Variants in CDH13 observed in about 807,000 individuals in gnomAD.
CDH13 encodes cadherin 13, also known as cadherin-13.
CDH13 carries 24 observed loss-of-function variants against 63.8 expected under a neutral mutation model. That is an observed-to-expected ratio of 0.38 (90% CI 0.27 to 0.53). CDH13 has a LOEUF of 0.53. CDH13 is among the 20% of genes least tolerant of loss of function. CDH13 has a pLI of 0.85. For synonymous variants in CDH13, 503 were observed against 355.3 expected, an observed-to-expected ratio of 1.42 and a Z score of -4.67; for missense variants, 1,049 against 903.1, an observed-to-expected ratio of 1.16 and a Z score of -2.07.
intron 1 of CDH13, chr16:82,639,430 C>T: frequency 6.5e-7 from 1 of 1,535,482 alleles, no homozygotes; most frequent in Non-Finnish European, 8.7e-7. Flanking sequence ...CCCACAGATG[C>T]CTGGGCGTGA....
chr16:83,359,239 A>G (rs920561161), intron 6 of CDH13, among the ~76,000 whole-genome samples: 4 of 152,166 alleles, frequency 2.6e-5, no homozygotes, highest in Non-Finnish European at 4.4e-5. Flanking sequence ...TTCCACTGTG[A>G]TTATGAGACC....
chr16:83,073,321 C>CTGTGTGTG (rs567463667), intron 3 of CDH13, among the ~76,000 whole-genome samples: 29 of 139,802 alleles, frequency 2.1e-4, no homozygotes, highest in Admixed American at 5.0e-4. Context: ...GGGTGTGTGT[C>CTGTGTGTG]TGTGTGTGTG....
intron 2 of CDH13, among the ~76,000 whole-genome samples, chr16:83,025,857 T>A (rs1915754365): frequency 6.6e-6 from 1 of 152,200 alleles, no homozygotes; most frequent in Admixed American, 6.5e-5. Context: ...TTCCTGGCTC[T>A]GTCTGCATTA....
chr16:83,370,244 C>T (rs989124975), intron 6 of CDH13, among the ~76,000 whole-genome samples: 1 of 151,830 alleles, frequency 6.6e-6, no homozygotes, highest in African/African-American at 2.4e-5. Flanking sequence ...AAAAATTAGC[C>T]GGGTGCGGTG....
At chr16:83,118,870 T>G (rs1426395078) in intron 3 of CDH13, among the ~76,000 whole-genome samples, 1 of 152,206 alleles carries the variant, frequency 6.6e-6, no homozygotes, top group African/African-American at 2.4e-5. Context: ...CTCTGCTCTC[T>G]TGCATCTTCA....
At chr16:83,678,917 C>G (rs953538491) in intron 10 of CDH13, among the ~76,000 whole-genome samples, 3 of 152,134 alleles carry the variant, frequency 2.0e-5, no homozygotes, top group African/African-American at 7.2e-5. Context: ...TCAAGCAGCC[C>G]AGCTTGGTGG....
At chr16:83,471,825 C>G (rs1034659310) in intron 6 of CDH13, among the ~76,000 whole-genome samples, 15 of 152,184 alleles carry the variant, frequency 9.9e-5, no homozygotes, top group Admixed American at 5.9e-4. Context: ...TTAATTACCT[C>G]TTGAGTCTCA....
At chr16:83,389,343 A>G (rs1304603291) in intron 6 of CDH13, among the ~76,000 whole-genome samples, 2 of 152,214 alleles carry the variant, frequency 1.3e-5, no homozygotes, top group African/African-American at 4.8e-5. Flanking sequence ...TACCAAAATG[A>G]GATCGTACCA....
chr16:83,023,568 C>G (rs1045441251), intron 2 of CDH13, among the ~76,000 whole-genome samples: 1 of 152,138 alleles, frequency 6.6e-6, no homozygotes, highest in African/African-American at 2.4e-5. Context: ...TTCAGTTATC[C>G]ACATGGTGTC....
intron 4 of CDH13, among the ~76,000 whole-genome samples, chr16:83,150,023 C>G (rs2036908444): frequency 6.6e-6 from 1 of 152,140 alleles, no homozygotes; most frequent in African/African-American, 2.4e-5. Flanking sequence ...TTCCCTTTCC[C>G]AAACCTCTTC....
intron 9 of CDH13, among the ~76,000 whole-genome samples, chr16:83,675,335 G>A (rs1567506878): frequency 6.6e-6 from 1 of 152,160 alleles, no homozygotes; most frequent in Admixed American, 6.5e-5. Flanking sequence ...TAGGCAAATG[G>A]AAATAAACAT....
chr16:83,052,801 A>AAAAAAAAAAAAAAAAAAAAG (rs1555571697), intron 3 of CDH13, among the ~76,000 whole-genome samples: 1 of 122,658 alleles, frequency 8.2e-6, no homozygotes, highest in African/African-American at 3.3e-5. Flanking sequence ...AAAAAAAAAA[A>AAAAAAAAAAAAAAAAAAAAG]AAAGAAAGAA....
rs146870496 is a variant in CDH13 at position 83,216,884 on chromosome 16, T to C, written c.484-461T>C. ...AGTGCTTCCTCTGCACCATGCCTAG[T>C]ACCTAGTAGAAGTGACAGGGCAGGT... On this transcript the variant is annotated intron_variant, in intron 4 of 13. Coordinates refer to ENST00000567109, the MANE Select transcript of CDH13 (RefSeq NM_001257.5). Among the ~76,000 whole-genome samples the C allele has an allele frequency of 4.5e-3, 690 of 152,142 alleles. 9 individuals carry two copies. Among genetic ancestry groups the C allele is most frequent in the African/African-American group, 0.015 (638 of 41,498 alleles).
intron 7 of CDH13, among the ~76,000 whole-genome samples, chr16:83,552,741 T>C (rs1371016686): frequency 6.6e-6 from 1 of 152,198 alleles, no homozygotes; most frequent in East Asian, 1.9e-4. Context: ...TTACTGCATT[T>C]CAGGGGAAAG....
chr16:83,232,545 C>CAAAAAAAAAAAAA (rs371820662), intron 5 of CDH13, among the ~76,000 whole-genome samples: 2 of 107,958 alleles, frequency 1.9e-5, no homozygotes, highest in African/African-American at 7.5e-5. Flanking sequence ...ACAACAACAA[C>CAAAAAAAAAAAAA]AAACAAACAA....
chr16:82,828,521 G>A (rs1379265400), intron 1 of CDH13, among the ~76,000 whole-genome samples: 1 of 152,120 alleles, frequency 6.6e-6, no homozygotes, highest in Non-Finnish European at 1.5e-5. Context: ...CAGCTACTCA[G>A]GTGGCTGAGG....
intron 10 of CDH13, among the ~76,000 whole-genome samples, chr16:83,681,944 G>C (rs8052167): frequency 0.57 from 85,850 of 151,840 alleles, 24,461 homozygotes; most frequent in African/African-American, 0.63. Context: ...AAACTTAGCT[G>C]GAAAAGAACT....
At chr16:83,686,165 C>T (rs777564595) in intron 10 of CDH13, among the ~76,000 whole-genome samples, 5 of 152,192 alleles carry the variant, frequency 3.3e-5, no homozygotes, top group Admixed American at 6.5e-5. Flanking sequence ...GAGCTTCCTC[C>T]GTACCACTGC....
At chr16:83,535,089 T>C (rs926575681) in intron 7 of CDH13, among the ~76,000 whole-genome samples, 3 of 152,180 alleles carry the variant, frequency 2.0e-5, no homozygotes, top group Non-Finnish European at 4.4e-5. Context: ...ATTGTTGGGG[T>C]CCTTTTTCAG....
Sources: gnomAD v4.1 joint callset for allele counts (sites outside exome capture counted in the v4.1 genomes callset) on GRCh38, gnomAD v4.1.1 for gene constraint, MANE v1.5 for transcripts, NCBI Gene and HGNC (gene_info 2026-07-23, HGNC 2026-07-21) for gene names.